The following SORCS3 variants were observed in gnomAD, a reference collection of about 807,000 sequenced individuals.
SORCS3 encodes the protein sortilin related VPS10 domain containing receptor 3.
In SORCS3, 57 loss-of-function variants were observed where a neutral mutation model predicts 146.3. The observed-to-expected ratio is 0.39, with a 90% CI of 0.31 to 0.49. SORCS3 has a LOEUF of 0.49. SORCS3 is among the 20% of genes least tolerant of loss of function. The probability of loss-of-function intolerance (pLI) is 0.92; values close to 1 mark genes in which losing one functional copy is unlikely to be tolerated. For missense variants in SORCS3, 1,341 were observed against 1,575.5 expected, an observed-to-expected ratio of 0.85 and a Z score of 2.52; for synonymous variants, 653 against 618.5, an observed-to-expected ratio of 1.06 and a Z score of -0.83.
chr10:105,179,890 T>C (rs751429561), intron 14 of SORCS3, among the ~76,000 whole-genome samples: 1 of 152,200 alleles, frequency 6.6e-6, no homozygotes, highest in Non-Finnish European at 1.5e-5. Flanking sequence ...TGCCGTTGAA[T>C]TGAAAACTTA....
chr10:105,190,963 T>A (rs2056513510), intron 14 of SORCS3, among the ~76,000 whole-genome samples: 1 of 152,226 alleles, frequency 6.6e-6, no homozygotes. Flanking sequence ...ATTATCCTCA[T>A]TTTGCACATG....
At chr10:105,111,951 G>A (rs1479426767) in intron 7 of SORCS3, among the ~76,000 whole-genome samples, 1 of 152,178 alleles carries the variant, frequency 6.6e-6, no homozygotes, top group Admixed American at 6.5e-5. Flanking sequence ...TATATAAGGG[G>A]CAGTTGTAAT....
intron 1 of SORCS3, among the ~76,000 whole-genome samples, chr10:104,711,654 T>C (rs2016417877): frequency 6.6e-6 from 1 of 152,226 alleles, no homozygotes; most frequent in South Asian, 2.1e-4. Flanking sequence ...CACCAAGTTG[T>C]GGCCCCTCCT....
chr10:105,037,893 T>A (rs1589604377), intron 4 of SORCS3, among the ~76,000 whole-genome samples: 1 of 152,352 alleles, frequency 6.6e-6, no homozygotes, highest in East Asian at 1.9e-4. Context: ...CTGTGGAATA[T>A]TCTATTGATT....
chr10:104,697,446 C>T (rs745740387), intron 1 of SORCS3, among the ~76,000 whole-genome samples: 13 of 152,164 alleles, frequency 8.5e-5, no homozygotes, highest in South Asian at 2.1e-4. Flanking sequence ...TAGATTTGGA[C>T]GAGGAAAGGG....
At chr10:104,706,412 T>C (rs2016339032) in intron 1 of SORCS3, among the ~76,000 whole-genome samples, 1 of 152,010 alleles carries the variant, frequency 6.6e-6, no homozygotes, top group African/African-American at 2.4e-5. Context: ...TTTCACCATG[T>C]TGGCCAGGAT....
intron 20 of SORCS3, among the ~76,000 whole-genome samples, chr10:105,239,669 A>G (rs1219579714): frequency 6.6e-6 from 1 of 152,224 alleles, no homozygotes; most frequent in Non-Finnish European, 1.5e-5. Flanking sequence ...GATGAAGCAC[A>G]GAGACAGAGA....
chr10:104,905,105 T>G (rs2018892062), intron 2 of SORCS3, among the ~76,000 whole-genome samples: 1 of 152,230 alleles, frequency 6.6e-6, no homozygotes, highest in South Asian at 2.1e-4. Flanking sequence ...ACTACTCGGG[T>G]CTGTTGTCAA....
At position 104,971,998 on chromosome 10, in the gene SORCS3, A is replaced by G. The variant is rs79221950; in HGVS notation, c.796-5337A>G. Among the ~76,000 whole-genome samples, 207 of 152,288 alleles carry G rather than the reference A, an allele frequency of 1.4e-3. No individual in the cohort carries two copies. The Middle Eastern group carries it at 0.014, about 10-fold the overall frequency. On this transcript the variant is annotated intron_variant, in intron 3 of 26. Coordinates refer to ENST00000369701, the MANE Select transcript of SORCS3 (RefSeq NM_014978.3). Reference sequence around the variant, plus strand: ...AGTTTGTCTATCTTTAGAGAGATCAATGTAATTGTGGCACTAGGGGCAGAA... The same window carrying G: ...AGTTTGTCTATCTTTAGAGAGATCAGTGTAATTGTGGCACTAGGGGCAGAA...
At chr10:104,853,226 G>C (rs1305082821) in intron 2 of SORCS3, among the ~76,000 whole-genome samples, 2 of 152,216 alleles carry the variant, frequency 1.3e-5, no homozygotes, top group Non-Finnish European at 2.9e-5. Flanking sequence ...TTGAACCTAG[G>C]AGGTGGAGGT....
intron 1 of SORCS3, among the ~76,000 whole-genome samples, chr10:104,667,686 G>A (rs1484691708): frequency 6.6e-6 from 1 of 152,216 alleles, no homozygotes; most frequent in Non-Finnish European, 1.5e-5. Context: ...AAACCCCAGA[G>A]TAAATGGCCA....
At chr10:104,993,886 C>T (rs527597931) in intron 4 of SORCS3, among the ~76,000 whole-genome samples, 48 of 152,170 alleles carry the variant, frequency 3.2e-4, no homozygotes, top group African/African-American at 1.0e-3. Context: ...TGTCTTTTTT[C>T]CTCCAAAGTA....
At chr10:105,209,288 CTGCCACCATGCCTGGTGAATTTTTG>C (rs1227974026) in intron 16 of SORCS3, among the ~76,000 whole-genome samples, 1 of 151,996 alleles carries the variant, frequency 6.6e-6, no homozygotes, top group Admixed American at 6.6e-5. Context: ...TTACAAGCTC[CTGCCACCATGCCTGGTGAATTTTTG>C]TGTATTTTTA....
At chr10:104,863,351 A>G (rs1225700175) in intron 2 of SORCS3, among the ~76,000 whole-genome samples, 1 of 152,094 alleles carries the variant, frequency 6.6e-6, no homozygotes, top group Non-Finnish European at 1.5e-5. Flanking sequence ...GCCTTTACTG[A>G]TGCCATGTCT....
chr10:105,243,590 G>A (rs927733449), intron 20 of SORCS3, among the ~76,000 whole-genome samples: 2 of 152,166 alleles, frequency 1.3e-5, no homozygotes, highest in African/African-American at 4.8e-5. Flanking sequence ...ACCCATGTGT[G>A]TGTCATCACC....
chr10:104,767,726 C>T (rs555448636), intron 1 of SORCS3, among the ~76,000 whole-genome samples: 13 of 140,462 alleles, frequency 9.3e-5, no homozygotes, highest in Non-Finnish European at 1.7e-4. Flanking sequence ...TCCGCCTCCC[C>T]TCCCCTTTCC....
chr10:105,184,690 A>G (rs2056464307), intron 14 of SORCS3, among the ~76,000 whole-genome samples: 1 of 152,232 alleles, frequency 6.6e-6, no homozygotes, highest in South Asian at 2.1e-4. Context: ...GCACATATTT[A>G]ATGTATACAT....
At chr10:104,854,070 G>A (rs143153178) in intron 2 of SORCS3, among the ~76,000 whole-genome samples, 129 of 152,164 alleles carry the variant, frequency 8.5e-4, no homozygotes, top group African/African-American at 3.0e-3. Flanking sequence ...CTGTCTCCCC[G>A]AATAGCTTTT....
At chr10:105,158,822 A>G in intron 10 of SORCS3, 70 bp from the exon 11 acceptor site, 2 of 1,187,370 alleles carry the variant, frequency 1.7e-6, no homozygotes, top group East Asian at 2.4e-5. Flanking sequence ...CGGGAAGCCC[A>G]TCTCTAGTGG....
Sources: allele counts gnomAD v4.1 joint callset (sites outside exome capture counted in the v4.1 genomes callset), GRCh38; gene constraint gnomAD v4.1.1; transcripts MANE v1.5; gene names NCBI Gene and HGNC (gene_info 2026-07-23, HGNC 2026-07-21).